Variants in SPTLC3 observed in about 807,000 individuals in gnomAD.
SPTLC3 encodes serine palmitoyltransferase 3.
Under a neutral mutation model 59.3 loss-of-function variants are expected in SPTLC3, and 36 were observed. That is an observed-to-expected ratio of 0.61 (90% confidence interval 0.47 to 0.80). SPTLC3 has a LOEUF of 0.80. SPTLC3 is among the 30% of genes least tolerant of loss of function. The pLI is 0.00. For missense variants in SPTLC3, 625 were observed against 685.1 expected (o/e 0.91, Z 0.98); for synonymous variants, 257 against 240.8 (o/e 1.07, Z -0.62).
intron 1 of SPTLC3, among the ~76,000 whole-genome samples, chr20:13,022,668 G>T (rs1452455918): frequency 6.6e-6 from 1 of 152,134 alleles, no homozygotes; most frequent in African/African-American, 2.4e-5. Flanking sequence ...AGCCCACCAG[G>T]TTCAAGGGGA....
chr20:13,042,548 G>A (rs1987034574), intron 1 of SPTLC3, among the ~76,000 whole-genome samples: 1 of 152,188 alleles, frequency 6.6e-6, no homozygotes, highest in African/African-American at 2.4e-5. Flanking sequence ...ATTAGAGGAA[G>A]TAAACCCTCA....
At chr20:13,134,460 T>G (rs1344143627) in intron 9 of SPTLC3, among the ~76,000 whole-genome samples, 1 of 152,206 alleles carries the variant, frequency 6.6e-6, no homozygotes, top group Non-Finnish European at 1.5e-5. Context: ...TCATTTCATA[T>G]TTCATGATGA....
chr20:13,100,957 C>A (rs1568601365), intron 6 of SPTLC3, among the ~76,000 whole-genome samples: 1 of 77,774 alleles, frequency 1.3e-5, no homozygotes, highest in African/African-American at 3.2e-5. Context: ...GAAAGTGATG[C>A]CAGGAAGCAC....
intron 7 of SPTLC3, 124 bp downstream of exon 7, chr20:13,110,341 C>A: frequency 1.3e-6 from 1 of 762,684 alleles, no homozygotes; most frequent in Non-Finnish European, 2.1e-6. Flanking sequence ...GACACAGGGA[C>A]CTGAGACAGA....
chr20:13,083,655 C>A (rs1254024477), intron 4 of SPTLC3, among the ~76,000 whole-genome samples: 1 of 152,212 alleles, frequency 6.6e-6, no homozygotes, highest in African/African-American at 2.4e-5. Context: ...GTATCACAAA[C>A]TCGAGAGTGC....
At chr20:13,027,848 G>C (rs76775459) in intron 1 of SPTLC3, among the ~76,000 whole-genome samples, 8,367 of 152,188 alleles carry the variant, frequency 0.055, 268 homozygotes, top group South Asian at 0.084. Flanking sequence ...TGGCATATCA[G>C]ATAGCAAAAT....
At chr20:13,145,907 T>TA (rs1021193906) in intron 9 of SPTLC3, among the ~76,000 whole-genome samples, 5 of 152,168 alleles carry the variant, frequency 3.3e-5, no homozygotes, top group Admixed American at 6.5e-5. Flanking sequence ...CCCTATTTAA[T>TA]AAATAATCAG....
intron 7 of SPTLC3, among the ~76,000 whole-genome samples, chr20:13,111,437 G>A (rs1041161389): frequency 1.3e-5 from 2 of 152,206 alleles, no homozygotes; most frequent in Admixed American, 6.5e-5. Flanking sequence ...CAGAGGCCAG[G>A]GATGCTGCCA....
At chr20:13,137,695 T>A (rs2038280467) in intron 9 of SPTLC3, among the ~76,000 whole-genome samples, 1 of 152,142 alleles carries the variant, frequency 6.6e-6, no homozygotes, top group Admixed American at 6.5e-5. Flanking sequence ...AAAACATAGA[T>A]AAGTAAACAG....
At chr20:13,016,682 A>G (rs1985542748) in intron 1 of SPTLC3, among the ~76,000 whole-genome samples, 1 of 152,236 alleles carries the variant, frequency 6.6e-6, no homozygotes, top group South Asian at 2.1e-4. Flanking sequence ...TAAGGTATCA[A>G]TAATATACTT....
intron 6 of SPTLC3, among the ~76,000 whole-genome samples, chr20:13,096,034 T>C (rs1395386015): frequency 1.3e-5 from 2 of 152,104 alleles, no homozygotes; most frequent in Non-Finnish European, 2.9e-5. Context: ...AGGGCCATGA[T>C]GACATCAAGC....
intron 8 of SPTLC3, among the ~76,000 whole-genome samples, chr20:13,125,177 C>T (rs897221323): frequency 3.3e-5 from 5 of 152,240 alleles, no homozygotes; most frequent in South Asian, 2.1e-4. Context: ...CTCACCACTG[C>T]GGCATTAGAT....
At chr20:13,127,369 A>T (rs1267681275) in intron 9 of SPTLC3, among the ~76,000 whole-genome samples, 1 of 152,214 alleles carries the variant, frequency 6.6e-6, no homozygotes, top group Non-Finnish European at 1.5e-5. Flanking sequence ...GGTGCTGAAT[A>T]AGGCAGTTCT....
At chr20:13,127,826 T>C (rs1306723456) in intron 9 of SPTLC3, among the ~76,000 whole-genome samples, 1 of 152,198 alleles carries the variant, frequency 6.6e-6, no homozygotes, top group East Asian at 1.9e-4. Context: ...ATCTCTAGGA[T>C]CCCTTCCAGG....
intron 6 of SPTLC3, among the ~76,000 whole-genome samples, chr20:13,096,717 A>T (rs1989428290): frequency 6.6e-6 from 1 of 152,134 alleles, no homozygotes; most frequent in Non-Finnish European, 1.5e-5. Flanking sequence ...TTACATTCTT[A>T]TTTAAATTCA....
chr20:13,127,643 A>G lies in SPTLC3; in HGVS notation c.1279+926A>G, dbSNP rs571441814. Among the ~76,000 whole-genome samples, 100 of 152,336 alleles carry G rather than the reference A, an allele frequency of 6.6e-4. 1 individual carries two copies. The highest frequency in any genetic ancestry group is 1.3e-3 in the Non-Finnish European group (90 of 68,032). ...AGATAAGAACAAGGCTGATCTAGTTAAAGTAGTGTCTTCACTTACCCCCAT... is the reference window on the plus strand; with the variant it reads ...AGATAAGAACAAGGCTGATCTAGTTGAAGTAGTGTCTTCACTTACCCCCAT... On this transcript the variant is annotated intron_variant, in intron 9 of 11. Transcript: ENST00000399002.
At chr20:13,125,346 A>G (rs557060690) in intron 8 of SPTLC3, among the ~76,000 whole-genome samples, 1 of 152,266 alleles carries the variant, frequency 6.6e-6, no homozygotes, top group Non-Finnish European at 1.5e-5. Flanking sequence ...CAAAATTCCA[A>G]TAGTTCTCTG....
intron 1 of SPTLC3, among the ~76,000 whole-genome samples, chr20:13,021,233 C>T (rs1985865565): frequency 6.6e-6 from 1 of 152,146 alleles, no homozygotes; most frequent in Non-Finnish European, 1.5e-5. Flanking sequence ...CTTGGTTCCT[C>T]CTCCTCTCTT....
At chr20:13,079,705 C>T (rs998898304) in intron 4 of SPTLC3, 8 of 463,616 alleles carry the variant, frequency 1.7e-5, no homozygotes, top group African/African-American at 1.4e-4. Flanking sequence ...ATGACCAAAC[C>T]CTGCTCAGTT....
Sources: allele counts gnomAD v4.1 joint callset (sites outside exome capture counted in the v4.1 genomes callset), GRCh38; gene constraint gnomAD v4.1.1; transcripts MANE v1.5; gene names NCBI Gene and HGNC (gene_info 2026-07-23, HGNC 2026-07-21).